The following PCLO variants were observed in gnomAD, a reference collection of about 807,000 sequenced individuals.
PCLO encodes the protein protein piccolo.
PCLO carries 82 observed loss-of-function variants against 427.5 expected under a neutral mutation model. The observed-to-expected ratio is 0.19, with a 90% CI of 0.16 to 0.23. The LOEUF (loss-of-function observed/expected upper bound fraction) is 0.23. Ranked by LOEUF, PCLO falls within the 10% of genes least tolerant of loss-of-function variation. The pLI, the probability that PCLO is intolerant of heterozygous loss-of-function variation, is 1.00. For missense variants in PCLO, 6,239 were observed against 6,115.9 expected, an observed-to-expected ratio of 1.02 and a Z score of -0.67; for synonymous variants, 2,357 against 2,155.4, an observed-to-expected ratio of 1.09 and a Z score of -2.59.
rs1317398529 is a variant in PCLO, at chr7:82,824,354, T to G, written c.14478A>C (p.Lys4826Asn). ...CATGATCAATGCTTTCAGTCTGTTC[T>G]TTGAGAGGATACCACCTTGGAGTGT... The part of the protein sequence containing the change: ...LDNTPRWYPL[K>N]EQTESIDHGK... Residue 4826 changes from lysine (K) to asparagine (N), a missense_variant, in exon 19 of 25, where the codon AAA becomes AAC. Transcript: ENST00000333891. 2 of 1,613,164 alleles carry G rather than the reference T, an allele frequency of 1.2e-6. No homozygotes were observed.
intron 7 of PCLO, among the ~76,000 whole-genome samples, chr7:82,913,126 C>G (rs1006071467): frequency 6.6e-6 from 1 of 151,878 alleles, no homozygotes; most frequent in Non-Finnish European, 1.5e-5. Flanking sequence ...AAATAAAAAA[C>G]CCACAAATTG....
intron 3 of PCLO, among the ~76,000 whole-genome samples, chr7:83,128,498 A>T (rs1791495596): frequency 6.6e-6 from 1 of 152,144 alleles, no homozygotes; most frequent in South Asian, 2.1e-4. Flanking sequence ...GAAAAACAGT[A>T]GCATACATGC....
rs993322777 is a variant in PCLO, at chr7:83,135,138, C to G, written c.2412G>C (p.Gln804His). Residue 804 changes from glutamine to histidine, a missense_variant, in exon 3 of 25, where the codon CAG (glutamine) becomes CAC (histidine). Physicochemically the swap from Gln to His is conservative, Grantham distance 24 (BLOSUM62 0). This residue lies in a region of PCLO where 4,677 missense variants were observed against 4,468.4 expected (regional missense o/e 1.05). Transcript: ENST00000333891. The stretch of plus-strand genomic sequence containing the variant: ...CTTTTTCCCCTGTTGGTGGAAAACT[C>G]TGTGAGGGTTTGGCAGAGTCTGTTT... ...PLKTDSAKPS[Q>H]SFPPTGEKVS... 2 of 1,613,766 alleles carry G rather than the reference C, an allele frequency of 1.2e-6. No individual in the cohort carries two copies. Among genetic ancestry groups the G allele is most frequent in the Non-Finnish European group, 1.7e-6 (2 of 1,179,878 alleles).
chr7:83,148,160 T>C (rs1033221246), intron 2 of PCLO, among the ~76,000 whole-genome samples: 1 of 152,186 alleles, frequency 6.6e-6, no homozygotes, highest in South Asian at 2.1e-4. Flanking sequence ...CTTAGTACCC[T>C]TACCCTTGAC....
intron 3 of PCLO, among the ~76,000 whole-genome samples, chr7:83,000,004 A>C (rs1787776015): frequency 6.8e-6 from 1 of 146,584 alleles, no homozygotes; most frequent in South Asian, 2.1e-4. Context: ...CCACAGATCC[A>C]GGAAACTCTG....
intron 3 of PCLO, among the ~76,000 whole-genome samples, chr7:83,031,499 G>T (rs1788663891): frequency 6.6e-6 from 1 of 152,058 alleles, no homozygotes; most frequent in South Asian, 2.1e-4. Context: ...TGTAATATGG[G>T]TACCATTTCA....
intron 3 of PCLO, among the ~76,000 whole-genome samples, chr7:83,133,226 A>G (rs904751864): frequency 2.6e-5 from 4 of 152,044 alleles, no homozygotes; most frequent in Non-Finnish European, 4.4e-5. Context: ...TATTTTATAT[A>G]AATGCTAAAA....
intron 3 of PCLO, among the ~76,000 whole-genome samples, chr7:83,059,341 A>T (rs1303326679): frequency 8.2e-6 from 1 of 122,374 alleles, no homozygotes; most frequent in South Asian, 2.7e-4. Context: ...TATATATTTT[A>T]TATATACACC....
intron 3 of PCLO, among the ~76,000 whole-genome samples, chr7:82,973,646 C>A (rs1452030850): frequency 6.6e-6 from 1 of 151,840 alleles, no homozygotes; most frequent in African/African-American, 2.4e-5. Context: ...CCTCACACTT[C>A]TGTATAACAA....
At chr7:82,905,689 G>C (rs896150716) in intron 8 of PCLO, among the ~76,000 whole-genome samples, 4 of 151,932 alleles carry the variant, frequency 2.6e-5, no homozygotes, top group African/African-American at 9.7e-5. Flanking sequence ...GATGAGTGGA[G>C]GAAAAGTGTC....
chr7:83,064,034 C>T (rs932299496), intron 3 of PCLO, among the ~76,000 whole-genome samples: 3 of 151,982 alleles, frequency 2.0e-5, no homozygotes, highest in African/African-American at 7.2e-5. Context: ...CTTCCATGGG[C>T]AAGCTCCTAC....
chr7:82,794,450 A>ATTTTTTTTTTGTT (rs141105612), intron 22 of PCLO, among the ~76,000 whole-genome samples: 1 of 62,026 alleles, frequency 1.6e-5, no homozygotes, highest in Non-Finnish European at 3.9e-5. Flanking sequence ...TAGTTCATAA[A>ATTTTTTTTTTGTT]TTTTTTTTCT....
intron 3 of PCLO, among the ~76,000 whole-genome samples, chr7:83,069,579 A>G (rs1359335694): frequency 6.6e-6 from 1 of 152,188 alleles, no homozygotes; most frequent in Admixed American, 6.5e-5. Context: ...ACATATACAC[A>G]CGTATTCTAA....
chr7:82,860,806 A>C (rs959904339), intron 10 of PCLO, among the ~76,000 whole-genome samples: 24 of 152,196 alleles, frequency 1.6e-4, no homozygotes, highest in African/African-American at 5.8e-4. Context: ...AAAAGTTAAA[A>C]AGTGGGGGGA....
chr7:83,046,942 T>C (rs1789118599), intron 3 of PCLO, among the ~76,000 whole-genome samples: 1 of 152,000 alleles, frequency 6.6e-6, no homozygotes, highest in Admixed American at 6.6e-5. Flanking sequence ...AACAAACTTA[T>C]TGAAGTAGCA....
chr7:82,878,318 C>T (rs543474293), intron 10 of PCLO, among the ~76,000 whole-genome samples: 13 of 151,960 alleles, frequency 8.6e-5, no homozygotes, highest in Middle Eastern at 3.4e-3. Context: ...ATATTTAATT[C>T]GAGAAAATCA....
intron 16 of PCLO, among the ~76,000 whole-genome samples, chr7:82,828,707 G>A (rs907725291): frequency 7.9e-5 from 12 of 152,046 alleles, no homozygotes; most frequent in Non-Finnish European, 1.6e-4. Flanking sequence ...ATGAAGTCTG[G>A]CAGAACATCT....
At chr7:83,115,194 G>A (rs973338202) in intron 3 of PCLO, among the ~76,000 whole-genome samples, 5 of 151,992 alleles carry the variant, frequency 3.3e-5, no homozygotes, top group South Asian at 2.1e-4. Context: ...TATTGTTACC[G>A]TGTGTTCTAA....
intron 1 of PCLO, among the ~76,000 whole-genome samples, chr7:83,161,704 A>T (rs1291131564): frequency 6.6e-6 from 1 of 152,244 alleles, no homozygotes; most frequent in Non-Finnish European, 1.5e-5. Context: ...TAAAAATAGC[A>T]TATGCTAATT....
Sources: gnomAD v4.1 joint callset for allele counts (sites outside exome capture counted in the v4.1 genomes callset) on GRCh38, gnomAD v4.1.1 for gene constraint, gnomAD v4.1.1 regional missense constraint, MANE v1.5 for transcripts, NCBI Gene and HGNC (gene_info 2026-07-23, HGNC 2026-07-21) for gene names.